Variants in SH2D4B observed in about 807,000 individuals in gnomAD.
SH2D4B encodes SH2 domain-containing protein 4B.
Under a neutral mutation model 61.5 loss-of-function variants are expected in SH2D4B, and 45 were observed. The observed-to-expected ratio is 0.73, with a 90% CI of 0.58 to 0.94. SH2D4B has a LOEUF of 0.94. Among genes scored for constraint, SH2D4B ranks in the 40% least tolerant of loss-of-function variants. The pLI is 0.00. For missense variants in SH2D4B, 572 were observed against 574.2 expected, an observed-to-expected ratio of 1.00 and a Z score of 0.04; for synonymous variants, 224 against 220.4, an observed-to-expected ratio of 1.02 and a Z score of -0.14.
intron 1 of SH2D4B, among the ~76,000 whole-genome samples, chr10:80,541,857 T>C (rs1841584233): frequency 6.6e-6 from 1 of 152,122 alleles, no homozygotes; most frequent in South Asian, 2.1e-4. Context: ...GGTGAAAGCT[T>C]AGAGGCGGAC....
In SH2D4B at chr10:80,644,152, T is replaced by A. The variant is rs1477583993; in HGVS notation, c.*67T>A. On this transcript the variant is annotated 3_prime_UTR_variant, in exon 8 of 8. Coordinates refer to ENST00000646907, the MANE Select transcript of SH2D4B (RefSeq NM_001388272.1). ...TTGAACTCAGCTTAAGAACTTCTCATCTCAAATCCTATGGCCTTCTGGAAG... is the reference window on the plus strand; with the variant it reads ...TTGAACTCAGCTTAAGAACTTCTCAACTCAAATCCTATGGCCTTCTGGAAG... 4 of 1,286,172 alleles carry A rather than the reference T, an allele frequency of 3.1e-6. No individual in the cohort carries two copies. In the African/African-American group the frequency reaches 5.9e-5, roughly 19 times the overall value. The allele number at this position is 1,286,172 out of a possible 1,614,324, so 79.7% of individuals were successfully genotyped here. A position where few individuals can be genotyped will look rare whatever the true frequency, so the allele number is the denominator to read the frequency against.
intron 1 of SH2D4B, among the ~76,000 whole-genome samples, chr10:80,550,548 C>G: frequency 6.6e-6 from 1 of 151,900 alleles, no homozygotes; most frequent in South Asian, 2.1e-4. Flanking sequence ...GAGCCCATAT[C>G]GCGCCACTGC....
intron 6 of SH2D4B, among the ~76,000 whole-genome samples, chr10:80,622,575 C>G (rs936534814): frequency 6.6e-6 from 1 of 152,106 alleles, no homozygotes; most frequent in African/African-American, 2.4e-5. Flanking sequence ...CTCTATTTGC[C>G]TGTATTTTGC....
intron 1 of SH2D4B, among the ~76,000 whole-genome samples, chr10:80,546,244 C>T (rs1191704382): frequency 6.6e-6 from 1 of 151,772 alleles, no homozygotes; most frequent in African/African-American, 2.4e-5. Context: ...GACAGGGTCT[C>T]AGCATGTTGC....
At chr10:80,567,255 G>A (rs1333340961) in intron 1 of SH2D4B, among the ~76,000 whole-genome samples, 5 of 152,182 alleles carry the variant, frequency 3.3e-5, no homozygotes, top group Admixed American at 6.5e-5. Context: ...ACTAGAATTC[G>A]ATCACATGGT....
At chr10:80,591,505 CT>C (rs763446349) in intron 4 of SH2D4B, among the ~76,000 whole-genome samples, 164 of 108,900 alleles carry the variant, frequency 1.5e-3, no homozygotes, top group Middle Eastern at 5.1e-3. Context: ...GCCAAACTGG[CT>C]TTTTTTTTTT....
Position 80,588,775 on chromosome 10 carries a change from A to C in SH2D4B, c.641A>C (p.Gln214Pro). Reference protein sequence around the residue: ...SEKEEREWEEQLRRSKAADEE... With the variant: ...SEKEEREWEEPLRRSKAADEE... ...AAAGAGGAGCGAGAGTGGGAAGAAC[A>C]GTGTGAGTAGAGCTTGTGCCTCAGG... is the stretch of plus-strand genomic sequence containing the variant. The change falls in exon 4 of 8, where the codon CAG (glutamine) becomes CCG (proline). Residue 214 changes from glutamine to proline, a missense_variant and splice_region_variant. Coordinates refer to ENST00000646907, the MANE Select transcript of SH2D4B (RefSeq NM_001388272.1). The C allele has an allele frequency of 6.2e-7, 1 of 1,613,930 alleles. No individual in the cohort carries two copies. Among genetic ancestry groups the C allele is most frequent in the Non-Finnish European group, 8.5e-7 (1 of 1,180,008 alleles).
intron 1 of SH2D4B, among the ~76,000 whole-genome samples, chr10:80,548,650 G>A: frequency 6.6e-6 from 1 of 152,194 alleles, no homozygotes; most frequent in Non-Finnish European, 1.5e-5. Flanking sequence ...CTTCAACAAG[G>A]GGGACAGCTT....
chr10:80,606,136 C>T (rs564491483), intron 5 of SH2D4B, among the ~76,000 whole-genome samples: 7 of 152,258 alleles, frequency 4.6e-5, no homozygotes, highest in Non-Finnish European at 7.4e-5. Context: ...ACCTCTGTGG[C>T]GCCTGTCAGC....
intron 1 of SH2D4B, among the ~76,000 whole-genome samples, chr10:80,543,540 G>A (rs1373389897): frequency 1.3e-5 from 2 of 152,172 alleles, no homozygotes; most frequent in South Asian, 2.1e-4. Context: ...CCCGATGAGC[G>A]CCACCCCCTG....
At chr10:80,551,740 C>T (rs769138016) in intron 1 of SH2D4B, among the ~76,000 whole-genome samples, 2 of 152,218 alleles carry the variant, frequency 1.3e-5, no homozygotes, top group African/African-American at 2.4e-5. Flanking sequence ...AGACACACAG[C>T]GGGACTGAGT....
At chr10:80,629,025 AT>A (rs1160853636) in intron 6 of SH2D4B, among the ~76,000 whole-genome samples, 1 of 64,156 alleles carries the variant, frequency 1.6e-5, no homozygotes, top group African/African-American at 5.1e-5. Context: ...GCGAGACTCT[AT>A]CTCAAAAAAA....
intron 7 of SH2D4B, among the ~76,000 whole-genome samples, chr10:80,639,970 TA>T (rs1490151575): frequency 1.3e-5 from 2 of 152,222 alleles, no homozygotes. Context: ...GGAGCTCTTT[TA>T]GGGCAGGCCT....
intron 1 of SH2D4B, among the ~76,000 whole-genome samples, chr10:80,557,098 A>G (rs1438236920): frequency 1.3e-5 from 2 of 152,116 alleles, no homozygotes; most frequent in African/African-American, 4.8e-5. Context: ...AATCTTTACT[A>G]GGAATGGATA....
intron 6 of SH2D4B, among the ~76,000 whole-genome samples, chr10:80,620,599 G>A (rs1842708544): frequency 6.6e-6 from 1 of 152,236 alleles, no homozygotes; most frequent in Non-Finnish European, 1.5e-5. Flanking sequence ...AAGAGTACAA[G>A]CCTTGTGAAT....
intron 3 of SH2D4B, among the ~76,000 whole-genome samples, chr10:80,584,509 T>C (rs1842220427): frequency 6.6e-6 from 1 of 152,190 alleles, no homozygotes; most frequent in Non-Finnish European, 1.5e-5. Flanking sequence ...AAGGCTTCCA[T>C]ACCTGTCATA....
intron 3 of SH2D4B, among the ~76,000 whole-genome samples, chr10:80,585,581 CT>C (rs1208728140): frequency 2.0e-5 from 3 of 152,218 alleles, no homozygotes; most frequent in African/African-American, 7.2e-5. Context: ...TCCCAAAGTG[CT>C]GGGATTACAG....
At chr10:80,572,524 C>A (rs994124053) in intron 3 of SH2D4B, among the ~76,000 whole-genome samples, 1 of 151,984 alleles carries the variant, frequency 6.6e-6, no homozygotes, top group African/African-American at 2.4e-5. Flanking sequence ...ATGGCATTTT[C>A]CCATTAAAAA....
chr10:80,592,791 G>A (rs922860886), intron 4 of SH2D4B, among the ~76,000 whole-genome samples: 13 of 145,234 alleles, frequency 9.0e-5, no homozygotes, highest in African/African-American at 3.3e-4. Flanking sequence ...TCAGCTTACT[G>A]CAAGCTCTGC....
Sources: gnomAD v4.1 joint callset for allele counts (sites outside exome capture counted in the v4.1 genomes callset) on GRCh38, gnomAD v4.1.1 for gene constraint, MANE v1.5 for transcripts, NCBI Gene and HGNC (gene_info 2026-07-23, HGNC 2026-07-21) for gene names.